The following SRSF4 variants were observed in gnomAD, a reference collection of about 807,000 sequenced individuals.
SRSF4 encodes the protein serine and arginine rich splicing factor 4.
In SRSF4, 12 loss-of-function variants were observed where a neutral mutation model predicts 48.8. The observed-to-expected ratio is 0.25, with a 90% CI of 0.16 to 0.40. The LOEUF (loss-of-function observed/expected upper bound fraction) is 0.40, where lower values mean the gene tolerates loss of function less well. SRSF4 is among the 10% of genes least tolerant of loss of function. SRSF4 has a pLI of 1.00. For missense variants in SRSF4, 466 were observed against 667.1 expected (o/e 0.70, Z 3.32); for synonymous variants, 248 against 232.5 (o/e 1.07, Z -0.61).
At chr1:29,170,629 T>C (rs1379760303) in intron 1 of SRSF4, 3 of 152,226 alleles carry the variant, frequency 2.0e-5, no homozygotes, top group African/African-American at 4.8e-5. Context: ...TAATTAAGTA[T>C]TTTAATGAAT....
intron 4 of SRSF4, 73 bp from the exon 5 acceptor site, chr1:29,150,265 A>ATT (rs1179522043): frequency 1.1e-5 from 9 of 784,100 alleles, no homozygotes; most frequent in South Asian, 5.3e-5. Context: ...GACTATATAT[A>ATT]TTATATATAT....
intron 5 of SRSF4, among the ~76,000 whole-genome samples, chr1:29,149,755 A>G (rs1672377379): frequency 1.3e-5 from 2 of 151,756 alleles, no homozygotes; most frequent in African/African-American, 4.8e-5. Context: ...TTGAAATCCA[A>G]GTGAGGCTGG....
intron 2 of SRSF4, chr1:29,160,170 T>G: frequency 1.8e-6 from 1 of 566,994 alleles, no homozygotes; most frequent in Non-Finnish European, 2.9e-6. Context: ...TATAAAGTAT[T>G]ATAAACAAGA....
chr1:29,181,755 C>G lies in SRSF4; in HGVS notation c.-3G>C. On this transcript the variant is annotated 5_prime_UTR_variant, in exon 1 of 6. Transcript: ENST00000373795. The stretch of plus-strand genomic sequence containing the variant: ...CGGCCGATGTACACCCGCGGCATCC[C>G]GGCAACGGCAGTGATGGCTGGCCCC... 2.5e-6 allele frequency: 4 copies of G among 1,574,894 alleles called. No individual in the cohort carries two copies. Among genetic ancestry groups the G allele is most frequent in the Non-Finnish European group, 2.6e-6 (3 of 1,165,278 alleles).
intron 4 of SRSF4, among the ~76,000 whole-genome samples, chr1:29,150,465 T>C (rs1259170554): frequency 6.6e-6 from 1 of 152,252 alleles, no homozygotes; most frequent in East Asian, 1.9e-4. Flanking sequence ...GGTTTCTCCA[T>C]GTTGGTCAGG....
chr1:29,154,963 T>A lies in SRSF4; in HGVS notation c.364-53A>T. 1 of 1,493,790 alleles carries A rather than the reference T, an allele frequency of 6.7e-7. No homozygotes were observed. The highest frequency in any genetic ancestry group is 9.2e-7 in the Non-Finnish European group (1 of 1,091,730). The allele number at this position is 1,493,790 out of a possible 1,614,324, so 92.5% of individuals were successfully genotyped here. ...TTAGGATATGTTTTGCTAAAATATC[T>A]AATGCAATCATCTGAGTGAATTTTT... is the stretch of plus-strand genomic sequence containing the variant. On this transcript the variant is annotated intron_variant, in intron 3 of 5. Coordinates refer to ENST00000373795, the MANE Select transcript of SRSF4 (RefSeq NM_005626.5).
chr1:29,167,974 T>C (rs539237900), intron 1 of SRSF4, among the ~76,000 whole-genome samples: 2 of 151,124 alleles, frequency 1.3e-5, no homozygotes, highest in South Asian at 4.2e-4. Context: ...GACCCATGAC[T>C]CTAAAAATCC....
intron 1 of SRSF4, chr1:29,170,499 T>C (rs1672731729): frequency 6.6e-6 from 1 of 152,192 alleles, no homozygotes; most frequent in Non-Finnish European, 1.5e-5. Context: ...TCATCTTGGC[T>C]GTATGAGGCA....
intron 4 of SRSF4, among the ~76,000 whole-genome samples, chr1:29,153,610 T>C (rs1011206917): frequency 1.3e-5 from 2 of 151,846 alleles, no homozygotes; most frequent in Admixed American, 6.6e-5. Flanking sequence ...ATTTTTTTTT[T>C]TTTTTTTGAG....
intron 4 of SRSF4, among the ~76,000 whole-genome samples, chr1:29,153,016 G>A (rs1312220644): frequency 6.6e-6 from 1 of 152,106 alleles, no homozygotes; most frequent in African/African-American, 2.4e-5. Flanking sequence ...ATGTCCTTAG[G>A]GAAGCTGTTG....
At chr1:29,177,138 T>TATAAAAA (rs1344195090) in intron 1 of SRSF4, among the ~76,000 whole-genome samples, 3 of 152,204 alleles carry the variant, frequency 2.0e-5, no homozygotes, top group Non-Finnish European at 2.9e-5. Flanking sequence ...AATGGCTTAT[T>TATAAAAA]ATAAAAAATA....
intron 1 of SRSF4, among the ~76,000 whole-genome samples, chr1:29,168,011 CCT>C (rs1491131842): frequency 5.3e-5 from 5 of 94,704 alleles, no homozygotes; most frequent in African/African-American, 1.3e-4. Context: ...GGTTCTAATT[CCT>C]TTTTTTTTTT....
chr1:29,173,228 C>T (rs1672773369), intron 1 of SRSF4: 1 of 148,752 alleles, frequency 6.7e-6, no homozygotes, highest in Non-Finnish European at 1.5e-5. Flanking sequence ...AGCTCAGCCT[C>T]CCGGGTTCAC....
At chr1:29,153,756 C>T (rs1282009773) in intron 4 of SRSF4, among the ~76,000 whole-genome samples, 4 of 151,790 alleles carry the variant, frequency 2.6e-5, no homozygotes, top group East Asian at 2.0e-4. Flanking sequence ...GCACCACCAA[C>T]GCCTAGCTAA....
intron 1 of SRSF4, among the ~76,000 whole-genome samples, chr1:29,178,927 T>C (rs1672912051): frequency 6.6e-6 from 1 of 152,236 alleles, no homozygotes; most frequent in African/African-American, 2.4e-5. Flanking sequence ...GTGTGCTGTT[T>C]GGTGACTGTC....
intron 1 of SRSF4, chr1:29,170,258 C>T (rs766757256): frequency 1.3e-5 from 2 of 151,918 alleles, no homozygotes; most frequent in Non-Finnish European, 2.9e-5. Flanking sequence ...TTTGAAAAAA[C>T]TCGAGAGATG....
chr1:29,155,754 A>G (rs113242404), intron 3 of SRSF4, among the ~76,000 whole-genome samples: 75 of 152,224 alleles, frequency 4.9e-4, no homozygotes, highest in African/African-American at 1.7e-3. Context: ...CAGCCTCCCA[A>G]AGTGCTAGGA....
intron 3 of SRSF4, among the ~76,000 whole-genome samples, chr1:29,156,276 C>T (rs1672498409): frequency 6.6e-6 from 1 of 151,736 alleles, no homozygotes; most frequent in Non-Finnish European, 1.5e-5. Flanking sequence ...ATCGCTTGAA[C>T]CCAGGAGGTG....
At chr1:29,165,140 G>C (rs1360286691) in intron 1 of SRSF4, among the ~76,000 whole-genome samples, 1 of 152,138 alleles carries the variant, frequency 6.6e-6, no homozygotes, top group Non-Finnish European at 1.5e-5. Flanking sequence ...CACAAACCTA[G>C]TCAAAAGAAT....
Sources: gnomAD v4.1 joint callset for allele counts (sites outside exome capture counted in the v4.1 genomes callset) on GRCh38, gnomAD v4.1.1 for gene constraint, MANE v1.5 for transcripts, NCBI Gene and HGNC (gene_info 2026-07-23, HGNC 2026-07-21) for gene names.